The following TRIO variants were observed in gnomAD, a reference collection of about 807,000 sequenced individuals.
The protein encoded by TRIO is trio Rho guanine nucleotide exchange factor.
TRIO carries 58 observed loss-of-function variants against 351.9 expected under a neutral mutation model. That is an observed-to-expected ratio of 0.16 (90% confidence interval 0.13 to 0.21). TRIO has a LOEUF of 0.21. TRIO is among the 10% of genes least tolerant of loss of function. The pLI is 1.00. For missense variants in TRIO, 3,201 were observed against 4,027.8 expected (o/e 0.79, Z 5.56); for synonymous variants, 1,758 against 1,595.7 (o/e 1.10, Z -2.42).
At chr5:14,225,983 C>T (rs1365527361) in intron 1 of TRIO, among the ~76,000 whole-genome samples, 3 of 152,124 alleles carry the variant, frequency 2.0e-5, no homozygotes, top group East Asian at 1.9e-4. Flanking sequence ...TGAGTTCCGC[C>T]GTGGCAGGGC....
At chr5:14,238,875 T>G (rs1468058943) in intron 1 of TRIO, among the ~76,000 whole-genome samples, 1 of 152,236 alleles carries the variant, frequency 6.6e-6, no homozygotes, top group Non-Finnish European at 1.5e-5. Context: ...CCTTGTTAAC[T>G]GTGCAGGTTA....
At chr5:14,398,112 G>C (rs926315708) in intron 29 of TRIO, among the ~76,000 whole-genome samples, 1 of 152,158 alleles carries the variant, frequency 6.6e-6, no homozygotes, top group Admixed American at 6.5e-5. Flanking sequence ...CTGGGGCTGG[G>C]GGATGGAGTG....
At chr5:14,419,727 C>T in intron 33 of TRIO, 51 bp from the exon 34 acceptor site, 1 of 1,596,876 alleles carries the variant, frequency 6.3e-7, no homozygotes, top group Non-Finnish European at 8.5e-7. Flanking sequence ...TACCTGAAGG[C>T]ACCATGGCTC....
At chr5:14,367,327 G>T (rs577167782) in intron 16 of TRIO, among the ~76,000 whole-genome samples, 5 of 152,178 alleles carry the variant, frequency 3.3e-5, no homozygotes, top group South Asian at 2.1e-4. Flanking sequence ...AGCCCACGTT[G>T]CAGTCTCAGC....
At chr5:14,348,236 T>C (rs925435139) in intron 11 of TRIO, among the ~76,000 whole-genome samples, 1 of 152,220 alleles carries the variant, frequency 6.6e-6, no homozygotes, top group Admixed American at 6.5e-5. Context: ...AAACAGGATA[T>C]ATTCCAGAAT....
intron 33 of TRIO, among the ~76,000 whole-genome samples, chr5:14,407,019 C>T (rs975110288): frequency 7.9e-5 from 12 of 152,096 alleles, no homozygotes; most frequent in Admixed American, 4.6e-4. Context: ...AGAACACCAG[C>T]GTATGTTTTA....
At chr5:14,457,826 G>T (rs1753475647) in intron 34 of TRIO, among the ~76,000 whole-genome samples, 1 of 152,138 alleles carries the variant, frequency 6.6e-6, no homozygotes, top group African/African-American at 2.4e-5. Flanking sequence ...AGTCTGGGTG[G>T]ACAGAGGGAC....
chr5:14,416,845 A>T (rs951875956), intron 33 of TRIO, among the ~76,000 whole-genome samples: 4 of 152,016 alleles, frequency 2.6e-5, no homozygotes, highest in African/African-American at 9.7e-5. Flanking sequence ...GAGACAGTGC[A>T]CTTCCCAGCG....
intron 33 of TRIO, among the ~76,000 whole-genome samples, chr5:14,413,837 AGTTG>A: frequency 6.6e-6 from 1 of 152,214 alleles, no homozygotes; most frequent in Non-Finnish European, 1.5e-5. Flanking sequence ...TCGAAGTTAC[AGTTG>A]GAGATGGTGA....
chr5:14,397,823 AG>A (rs1318679432), intron 29 of TRIO, among the ~76,000 whole-genome samples: 1 of 152,058 alleles, frequency 6.6e-6, no homozygotes, highest in African/African-American at 2.4e-5. Context: ...CAAGCAAAAC[AG>A]ATTTTTCTTT....
chr5:14,219,688 C>T (rs1389874168), intron 1 of TRIO, among the ~76,000 whole-genome samples: 1 of 152,172 alleles, frequency 6.6e-6, no homozygotes, highest in Non-Finnish European at 1.5e-5. Flanking sequence ...TGTGAAAACG[C>T]AGAATCCTCA....
intron 1 of TRIO, among the ~76,000 whole-genome samples, chr5:14,259,147 AGTGT>A (rs1364450651): frequency 2.0e-5 from 3 of 152,122 alleles, no homozygotes; most frequent in Non-Finnish European, 4.4e-5. Context: ...TTTCGGTTTT[AGTGT>A]GTGTGTTTGC....
intron 1 of TRIO, among the ~76,000 whole-genome samples, chr5:14,210,290 C>A (rs948281035): frequency 1.4e-4 from 21 of 152,194 alleles, no homozygotes; most frequent in Non-Finnish European, 2.8e-4. Context: ...GAAACAGAGT[C>A]TAGGGAAGCT....
At chr5:14,380,693 A>T (rs1746026246) in intron 20 of TRIO, among the ~76,000 whole-genome samples, 1 of 152,296 alleles carries the variant, frequency 6.6e-6, no homozygotes, top group South Asian at 2.1e-4. Flanking sequence ...CAGAAATACC[A>T]TTTGACCTAG....
At chr5:14,445,271 C>T (rs1752355285) in intron 34 of TRIO, among the ~76,000 whole-genome samples, 1 of 152,094 alleles carries the variant, frequency 6.6e-6, no homozygotes, top group Non-Finnish European at 1.5e-5. Context: ...TAAAGATGCT[C>T]CTATTAATTT....
At chr5:14,320,453 C>A (rs956800444) in intron 9 of TRIO, among the ~76,000 whole-genome samples, 1 of 152,124 alleles carries the variant, frequency 6.6e-6, no homozygotes, top group African/African-American at 2.4e-5. Context: ...CCTACTGAGT[C>A]CCCTAGAGGA....
At chr5:14,415,298 C>T (rs1051947474) in intron 33 of TRIO, among the ~76,000 whole-genome samples, 1 of 152,194 alleles carries the variant, frequency 6.6e-6, no homozygotes, top group African/African-American at 2.4e-5. Context: ...AGACTGACTG[C>T]ATCACCCACC....
At chr5:14,483,295 A>G (rs1337306568) in intron 46 of TRIO, among the ~76,000 whole-genome samples, 2 of 152,204 alleles carry the variant, frequency 1.3e-5, no homozygotes, top group Admixed American at 6.5e-5. Context: ...ATGGCCCTCA[A>G]GTCTGTAAAA....
At chr5:14,492,971 G>C (rs1382713227) in intron 49 of TRIO, among the ~76,000 whole-genome samples, 157 bp downstream of exon 49, 3 of 152,162 alleles carry the variant, frequency 2.0e-5, no homozygotes, top group Non-Finnish European at 4.4e-5. Flanking sequence ...GAAGATGGGT[G>C]GCCTTCCATC....
Sources: gnomAD v4.1 joint callset for allele counts (sites outside exome capture counted in the v4.1 genomes callset) on GRCh38, gnomAD v4.1.1 for gene constraint, MANE v1.5 for transcripts, NCBI Gene and HGNC (gene_info 2026-07-23, HGNC 2026-07-21) for gene names.